The following GLDN variants were observed in gnomAD, a reference collection of about 807,000 sequenced individuals.
The protein encoded by GLDN is collomin.
GLDN carries 47 observed loss-of-function variants against 56.5 expected under a neutral mutation model. That is an observed-to-expected ratio of 0.83 (90% CI 0.66 to 1.06). The LOEUF is 1.06. GLDN is among the 50% of genes least tolerant of loss of function. The pLI, the probability that GLDN is intolerant of heterozygous loss-of-function variation, is 0.00. For synonymous variants in GLDN, 332 were observed against 278.8 expected, an observed-to-expected ratio of 1.19 and a Z score of -1.90; for missense variants, 782 against 714.3, an observed-to-expected ratio of 1.09 and a Z score of -1.08.
At chr15:51,357,156 C>T (rs1353702278) in intron 1 of GLDN, among the ~76,000 whole-genome samples, 3 of 152,320 alleles carry the variant, frequency 2.0e-5, no homozygotes, top group Middle Eastern at 6.8e-3. Flanking sequence ...GGTCCCCTTC[C>T]ACCACATGGA....
downstream of GLDN, among the ~76,000 whole-genome samples, chr15:51,411,320 AAAG>A (rs2038463074): frequency 6.6e-6 from 1 of 152,244 alleles, no homozygotes; most frequent in East Asian, 1.9e-4. Context: ...ACCAACCTCC[AAAG>A]AAGATTAAAC....
Position 51,396,205 on chromosome 15 carries a change from G to A in GLDN, c.688+1224G>A, listed in dbSNP as rs556846634. 1.2e-4 allele frequency among the ~76,000 whole-genome samples: 19 copies of A among 152,298 alleles called. No individual in the cohort carries two copies. The South Asian group carries it at 2.7e-3, about 22-fold the overall frequency. On this transcript the variant is annotated intron_variant, in intron 5 of 9. Coordinates refer to ENST00000335449, the MANE Select transcript of GLDN (RefSeq NM_181789.4). ...TAATTGCCTGCACGGCCCCTGTTCC[G>A]TGGGATGGGCCAGGGGCGCAGATGT...
At chr15:51,357,055 G>A (rs2037199875) in intron 1 of GLDN, among the ~76,000 whole-genome samples, 1 of 152,166 alleles carries the variant, frequency 6.6e-6, no homozygotes, top group Non-Finnish European at 1.5e-5. Context: ...GGACTAAAAA[G>A]GAAAAATGTA....
In GLDN at chr15:51,405,695, T is replaced by A. The variant is rs924585418; in HGVS notation, c.*941T>A. The A allele has an allele frequency of 1.3e-5, 2 of 152,220 alleles. No homozygotes were observed. The highest frequency in any genetic ancestry group is 2.9e-5 in the Non-Finnish European group (2 of 68,034). 9.4% of individuals were successfully genotyped at this position (152,220 alleles called of 1,614,324 possible). A position where few individuals can be genotyped will look rare whatever the true frequency, so the allele number is the denominator to read the frequency against. ...GTGGATCCACTATCAAAGTACTAAA[T>A]GCTGTGTAAGTAGACGTTAATCTGG... is the stretch of plus-strand genomic sequence containing the variant. On this transcript the variant is annotated 3_prime_UTR_variant, in exon 10 of 10. Coordinates refer to ENST00000335449, the MANE Select transcript of GLDN (RefSeq NM_181789.4).
chr15:51,356,034 CG>C lies in GLDN; in HGVS notation c.363+13988del, dbSNP rs562991638. Among the ~76,000 whole-genome samples the C allele has an allele frequency of 1.3e-3, 194 of 150,498 alleles. 1 individual carries two copies. Among genetic ancestry groups the C allele is most frequent in the African/African-American group, 3.6e-3 (150 of 41,184 alleles). ...CATCCTGGCTAACATGGTGAAACCC[CG>C]TCTCTACTAAAAATACAAAAGATTA... On this transcript the variant is annotated intron_variant, in intron 1 of 9. Transcript: ENST00000335449.
chr15:51,357,971 C>G (rs1164485061), intron 1 of GLDN, among the ~76,000 whole-genome samples: 3 of 152,070 alleles, frequency 2.0e-5, no homozygotes, highest in Non-Finnish European at 4.4e-5. Context: ...ACCCTGTACC[C>G]TAGGCACTAT....
chr15:51,366,676 G>A lies in GLDN; in HGVS notation c.364-10773G>A, dbSNP rs190472594. On this transcript the variant is annotated intron_variant, in intron 1 of 9. Transcript: ENST00000335449. ...ACCTGTAATCCCAGGACTGTGGGAG[G>A]CTGACGCAGGATTATTTGAGCCCAG... 2.2e-3 allele frequency among the ~76,000 whole-genome samples: 342 copies of A among 152,324 alleles called. 1 individual carries two copies. Among genetic ancestry groups the A allele is most frequent in the African/African-American group, 7.5e-3 (312 of 41,572 alleles).
At chr15:51,369,088 TGAGTC>T (rs1167398520) in intron 1 of GLDN, 2 of 152,196 alleles carry the variant, frequency 1.3e-5, no homozygotes, top group Non-Finnish European at 2.9e-5. Flanking sequence ...TTCCCAGAAA[TGAGTC>T]CAGGGTGTCT....
At chr15:51,374,315 A>G (rs572530957) in intron 1 of GLDN, among the ~76,000 whole-genome samples, 6 of 152,290 alleles carry the variant, frequency 3.9e-5, no homozygotes, top group African/African-American at 9.6e-5. Flanking sequence ...GGTCCTCTCA[A>G]TGGGCAATTA....
chr15:51,397,633 T>C lies in GLDN; in HGVS notation c.817+35T>C, dbSNP rs772414925. 3.3e-6 allele frequency: 5 copies of C among 1,519,724 alleles called. No individual in the cohort carries two copies. In the Admixed American group the frequency reaches 8.0e-5, roughly 24 times the overall value. The allele number at this position is 1,519,724 out of a possible 1,614,324, so 94.1% of individuals were successfully genotyped here. A position where few individuals can be genotyped will look rare whatever the true frequency, so the allele number is the denominator to read the frequency against. Reference sequence around the variant, plus strand: ...TCTCCCCTACGGGGCCCACCTCTTCTGTCAATTATTCCAAACTCTTGGTCT... The same window carrying C: ...TCTCCCCTACGGGGCCCACCTCTTCCGTCAATTATTCCAAACTCTTGGTCT... On this transcript the variant is annotated intron_variant, in intron 6 of 9. Coordinates refer to ENST00000335449, the MANE Select transcript of GLDN (RefSeq NM_181789.4).
Position 51,361,223 on chromosome 15 carries a change from A to G in GLDN, c.364-16226A>G, listed in dbSNP as rs145389902. ...CCCTTCCTACCCTAACTTCTTCTGC[A>G]CTTATTTGTGTCATACAACTCAAAC... On this transcript the variant is annotated intron_variant, in intron 1 of 9. Coordinates refer to ENST00000335449, the MANE Select transcript of GLDN (RefSeq NM_181789.4). Among the ~76,000 whole-genome samples, 4 of 152,296 alleles carry G rather than the reference A, an allele frequency of 2.6e-5. No homozygotes were observed. The East Asian group carries it at 7.7e-4, about 29-fold the overall frequency.
At chr15:51,394,797 G>A (rs765787240) in intron 4 of GLDN, 38 bp from the exon 5 acceptor site, 2 of 1,612,092 alleles carry the variant, frequency 1.2e-6, no homozygotes, top group Middle Eastern at 1.7e-4. Flanking sequence ...AGAACTTTTT[G>A]CACCATAGGC....
chr15:51,350,317 G>C (rs1457124095), intron 1 of GLDN, among the ~76,000 whole-genome samples: 1 of 152,186 alleles, frequency 6.6e-6, no homozygotes, highest in Non-Finnish European at 1.5e-5. Flanking sequence ...TTGAAGGAGA[G>C]AGATGCATAC....
chr15:51,395,952 C>T (rs948208460), intron 5 of GLDN, among the ~76,000 whole-genome samples: 1 of 152,048 alleles, frequency 6.6e-6, no homozygotes, highest in Non-Finnish European at 1.5e-5. Context: ...GTGCCACACA[C>T]TTTTAAATGA....
At chr15:51,349,306 C>T (rs2037033336) in intron 1 of GLDN, among the ~76,000 whole-genome samples, 1 of 152,246 alleles carries the variant, frequency 6.6e-6, no homozygotes, top group South Asian at 2.1e-4. Context: ...GTTTATTTCC[C>T]TTTCCCACTT....
chr15:51,392,599 G>C lies in GLDN; in HGVS notation c.542-2236G>C, dbSNP rs566989003. On this transcript the variant is annotated intron_variant, in intron 4 of 9. Coordinates refer to ENST00000335449, the MANE Select transcript of GLDN (RefSeq NM_181789.4). ...CCCAAACCATCCCTCCCCACACCCC[G>C]GTCTATGGAAAAATTGTCTTCCACA... 2.2e-4 allele frequency among the ~76,000 whole-genome samples: 33 copies of C among 152,184 alleles called. No homozygotes were observed. In the East Asian group the frequency reaches 6.4e-3, roughly 29 times the overall value.
intron 1 of GLDN, among the ~76,000 whole-genome samples, chr15:51,354,739 C>G (rs1456016364): frequency 1.3e-5 from 2 of 152,120 alleles, no homozygotes; most frequent in Non-Finnish European, 2.9e-5. Flanking sequence ...TGAATTTCTA[C>G]TTTTGAGAAA....
At chr15:51,347,480 C>T (rs999678530) in intron 1 of GLDN, among the ~76,000 whole-genome samples, 1 of 152,124 alleles carries the variant, frequency 6.6e-6, no homozygotes, top group African/African-American at 2.4e-5. Flanking sequence ...TGGCCCAAGA[C>T]AATTCTTCTT....
At chr15:51,410,760 T>C (rs1337532681), downstream of GLDN, among the ~76,000 whole-genome samples, 1 of 152,240 alleles carries the variant, frequency 6.6e-6, no homozygotes, top group African/African-American at 2.4e-5. Context: ...AGATATTGCA[T>C]GAAATATACT....
Sources: gnomAD v4.1 joint callset for allele counts (sites outside exome capture counted in the v4.1 genomes callset) on GRCh38, gnomAD v4.1.1 for gene constraint, MANE v1.5 for transcripts, NCBI Gene and HGNC (gene_info 2026-07-23, HGNC 2026-07-21) for gene names.